The following DSCAM variants were observed in gnomAD, a reference collection of about 807,000 sequenced individuals.
DSCAM encodes the protein DS cell adhesion molecule.
In DSCAM, 47 loss-of-function variants were observed where a neutral mutation model predicts 217.7. The ratio of observed to expected loss-of-function variants is 0.22; its 90% CI spans 0.17 to 0.28. DSCAM has a LOEUF of 0.28. DSCAM is among the 10% of genes least tolerant of loss of function. The probability of loss-of-function intolerance (pLI) is 1.00; values close to 1 mark genes in which losing one functional copy is unlikely to be tolerated. For synonymous variants in DSCAM, 1,056 were observed against 1,015.3 expected (o/e 1.04, Z -0.76); for missense variants, 2,080 against 2,618.3 (o/e 0.79, Z 4.49).
chr21:40,086,591 C>A (rs187650678), intron 22 of DSCAM, among the ~76,000 whole-genome samples: 192 of 152,302 alleles, frequency 1.3e-3, no homozygotes, highest in African/African-American at 4.0e-3. Context: ...ATCCTAATTT[C>A]TTCTCCTGAA....
chr21:40,233,425 T>G (rs1358697280), intron 11 of DSCAM, among the ~76,000 whole-genome samples: 1 of 152,150 alleles, frequency 6.6e-6, no homozygotes, highest in Non-Finnish European at 1.5e-5. Flanking sequence ...TCACTAAAAA[T>G]TCAACCAACC....
chr21:40,605,023 C>A (rs2089213832), intron 3 of DSCAM, among the ~76,000 whole-genome samples: 1 of 152,164 alleles, frequency 6.6e-6, no homozygotes, highest in Non-Finnish European at 1.5e-5. Context: ...ATGCAATGGG[C>A]TTGCTTCAAA....
intron 9 of DSCAM, among the ~76,000 whole-genome samples, chr21:40,301,619 A>ACCACAGCCTTTATTCCACTCGTCTGGTG (rs1197261443): frequency 6.6e-6 from 1 of 151,576 alleles, no homozygotes; most frequent in African/African-American, 2.4e-5. Flanking sequence ...CTCATCTGGT[A>ACCACAGCCTTTATTCCACTCGTCTGGTG]TTGCTGTTTA....
chr21:40,494,608 A>G (rs1367535518), intron 3 of DSCAM, among the ~76,000 whole-genome samples: 1 of 152,170 alleles, frequency 6.6e-6, no homozygotes, highest in African/African-American at 2.4e-5. Context: ...GATGTAGCAA[A>G]AGTAGTTCTA....
At chr21:40,388,157 T>C (rs1463196484) in intron 3 of DSCAM, among the ~76,000 whole-genome samples, 1 of 151,976 alleles carries the variant, frequency 6.6e-6, no homozygotes, top group East Asian at 1.9e-4. Context: ...AGTTTGCCAA[T>C]AGCAGGCTTG....
rs184371661 is a variant in DSCAM, at chr21:40,231,985, T to G, written c.2357-42747A>C. The stretch of plus-strand genomic sequence containing the variant: ...CACCACCCTTGGCATTTTAGGTGAT[T>G]AATATTTATCTTACATTCTAGGAAT... On this transcript the variant is annotated intron_variant, in intron 11 of 32. Coordinates refer to ENST00000400454, the MANE Select transcript of DSCAM (RefSeq NM_001389.5). 2.6e-4 allele frequency among the ~76,000 whole-genome samples: 40 copies of G among 152,356 alleles called. 1 individual carries two copies. In the East Asian group the frequency reaches 7.3e-3, roughly 28 times the overall value.
At chr21:40,337,251 T>C (rs1025872915) in intron 8 of DSCAM, among the ~76,000 whole-genome samples, 2 of 152,148 alleles carry the variant, frequency 1.3e-5, no homozygotes, top group Non-Finnish European at 2.9e-5. Context: ...GAGAGAGAAC[T>C]TGGACACCTC....
At position 40,360,121 on chromosome 21, in the gene DSCAM, GTCT is replaced by G. The variant is rs1392450589; in HGVS notation, c.656-6381_656-6379del. ...TAGTGAGCATGGTACTTCATAGGTA[GTCT>G]TTTTTTTTTTTTTTTTTTTTTTTTT... On this transcript the variant is annotated intron_variant, in intron 4 of 32. Transcript: ENST00000400454. 2.6e-3 allele frequency among the ~76,000 whole-genome samples: 214 copies of G among 82,624 alleles called. 62 individuals carry two copies. Among genetic ancestry groups the G allele is most frequent in the African/African-American group, 5.9e-3 (118 of 19,914 alleles). The allele number at this position is 82,624 out of a possible 152,430, so 54.2% of individuals were successfully genotyped here. A position where few individuals can be genotyped will look rare whatever the true frequency, so the allele number is the denominator to read the frequency against.
chr21:40,082,834 G>A (rs1225507361), intron 24 of DSCAM, among the ~76,000 whole-genome samples: 2 of 152,146 alleles, frequency 1.3e-5, no homozygotes, highest in Non-Finnish European at 2.9e-5. Flanking sequence ...TGTTCTTAGG[G>A]TGGCTGTGGC....
At chr21:40,070,016 C>T (rs1470210553) in intron 27 of DSCAM, among the ~76,000 whole-genome samples, 1 of 152,200 alleles carries the variant, frequency 6.6e-6, no homozygotes, top group Non-Finnish European at 1.5e-5. Context: ...TGACTACCCA[C>T]TCCCTGGCTC....
At chr21:40,163,166 A>T (rs1357174621) in intron 16 of DSCAM, among the ~76,000 whole-genome samples, 1 of 152,078 alleles carries the variant, frequency 6.6e-6, no homozygotes, top group Admixed American at 6.6e-5. Flanking sequence ...AAAGAGGGTC[A>T]GCTGATTCTG....
At chr21:40,120,324 T>G (rs1176444011) in intron 20 of DSCAM, among the ~76,000 whole-genome samples, 1 of 152,214 alleles carries the variant, frequency 6.6e-6, no homozygotes, top group Non-Finnish European at 1.5e-5. Flanking sequence ...TGCTTCCTAA[T>G]TTTACATTTC....
intron 1 of DSCAM, among the ~76,000 whole-genome samples, chr21:40,828,157 C>A (rs1036288919): frequency 1.3e-5 from 2 of 152,106 alleles, no homozygotes; most frequent in Non-Finnish European, 2.9e-5. Flanking sequence ...ATTTGCAGCA[C>A]TTTGGGAGGC....
chr21:40,712,844 G>C (rs574924815), intron 1 of DSCAM, among the ~76,000 whole-genome samples: 1 of 151,866 alleles, frequency 6.6e-6, no homozygotes, highest in African/African-American at 2.4e-5. Flanking sequence ...AAGGTGGGGG[G>C]TACAGGCGAA....
At chr21:40,551,583 A>T (rs1474156657) in intron 3 of DSCAM, among the ~76,000 whole-genome samples, 3 of 152,180 alleles carry the variant, frequency 2.0e-5, no homozygotes, top group Non-Finnish European at 4.4e-5. Flanking sequence ...TAGTTATGTT[A>T]ATAGGGATTC....
At chr21:40,081,634 A>G (rs1246219353) in intron 24 of DSCAM, among the ~76,000 whole-genome samples, 1 of 151,856 alleles carries the variant, frequency 6.6e-6, no homozygotes, top group African/African-American at 2.4e-5. Context: ...CATTGTAGGG[A>G]CTCTGCTTTC....
At chr21:40,181,220 TATA>T (rs2090796722) in intron 14 of DSCAM, among the ~76,000 whole-genome samples, 1 of 60,032 alleles carries the variant, frequency 1.7e-5, no homozygotes, top group African/African-American at 7.6e-5. Context: ...TCTTCCTAGT[TATA>T]TTTATATCTC....
intron 11 of DSCAM, among the ~76,000 whole-genome samples, chr21:40,229,591 A>G (rs953091425): frequency 6.6e-6 from 1 of 152,204 alleles, no homozygotes; most frequent in Non-Finnish European, 1.5e-5. Context: ...GAATGTCATA[A>G]AAATGGAGTC....
chr21:40,016,203 A>G lies in DSCAM; in HGVS notation c.5687-2817T>C, dbSNP rs181266065. On this transcript the variant is annotated intron_variant, in intron 32 of 32. Transcript: ENST00000400454. The surrounding 1 kb of genome is among the most constrained non-coding windows in gnomAD (Gnocchi z 4.3). ...AGCAGCTGTGGGATGTGAGAGAGGG[A>G]ATTAAATTGTGAGATATGAAGGGGG... Among the ~76,000 whole-genome samples the G allele has an allele frequency of 9.5e-4, 145 of 152,186 alleles. No individual in the cohort carries two copies. Among genetic ancestry groups the G allele is most frequent in the Admixed American group, 1.7e-3 (26 of 15,280 alleles).
Sources: allele counts gnomAD v4.1 joint callset (sites outside exome capture counted in the v4.1 genomes callset), GRCh38; gene constraint gnomAD v4.1.1; non-coding constraint Gnocchi (gnomAD v3.1); transcripts MANE v1.5; gene names NCBI Gene and HGNC (gene_info 2026-07-23, HGNC 2026-07-21).